Variants in LIN28B observed in about 807,000 individuals in gnomAD.
The protein encoded by LIN28B is protein lin-28 homolog B.
A neutral mutation model predicts 21.9 loss-of-function variants in LIN28B; 5 were observed. The observed-to-expected ratio is 0.23, with a 90% CI of 0.12 to 0.48. The LOEUF (loss-of-function observed/expected upper bound fraction) is 0.48, where lower values mean the gene tolerates loss of function less well. Ranked by LOEUF, LIN28B falls within the 20% of genes least tolerant of loss-of-function variation. LIN28B has a pLI of 0.98. For missense variants in LIN28B, 245 were observed against 310.5 expected, an observed-to-expected ratio of 0.79 and a Z score of 1.58; for synonymous variants, 109 against 111.3, an observed-to-expected ratio of 0.98 and a Z score of 0.13.
chr6:104,946,812 TTGTAA>T (rs1410671543), intron 2 of LIN28B, among the ~76,000 whole-genome samples: 1 of 152,184 alleles, frequency 6.6e-6, no homozygotes, highest in Non-Finnish European at 1.5e-5. Context: ...TTATAGTAAG[TTGTAA>T]TGTACTTTAC....
chr6:105,016,466 T>G (rs2114318548), intron 2 of LIN28B, among the ~76,000 whole-genome samples: 1 of 152,294 alleles, frequency 6.6e-6, no homozygotes, highest in East Asian at 1.9e-4. Flanking sequence ...CCAGAGAATG[T>G]TATATTAAGC....
At chr6:105,005,526 C>T (rs1190215023) in intron 2 of LIN28B, among the ~76,000 whole-genome samples, 2 of 151,950 alleles carry the variant, frequency 1.3e-5, no homozygotes, top group African/African-American at 4.8e-5. Flanking sequence ...TTGATTTCTC[C>T]CTTGCTGTTC....
At chr6:104,967,086 GT>G (rs374392913) in intron 2 of LIN28B, among the ~76,000 whole-genome samples, 3,604 of 151,218 alleles carry the variant, frequency 0.024, 148 homozygotes, top group African/African-American at 0.082. Context: ...GTTTTCTTTA[GT>G]TTTTTTTTCT....
chr6:104,986,652 G>A lies in LIN28B; in HGVS notation c.198+28366G>A, dbSNP rs190844950. ...GGTGCTCAATTTGTGACAGCTAGTC[G>A]TAAGAATTGGTCATTCTTGTCATAC... On this transcript the variant is annotated intron_variant, in intron 2 of 3. Transcript: ENST00000345080. Among the ~76,000 whole-genome samples the A allele has an allele frequency of 8.6e-5, 13 of 152,000 alleles. No homozygotes were observed. In the East Asian group the frequency reaches 1.7e-3, roughly 20 times the overall value.
At chr6:104,981,654 C>T (rs1196870159) in intron 2 of LIN28B, among the ~76,000 whole-genome samples, 1 of 152,188 alleles carries the variant, frequency 6.6e-6, no homozygotes, top group Non-Finnish European at 1.5e-5. Context: ...ATTCAAAAGA[C>T]AGTGACTGCA....
intron 2 of LIN28B, among the ~76,000 whole-genome samples, chr6:105,005,668 C>T (rs1052587897): frequency 5.9e-5 from 9 of 152,124 alleles, no homozygotes; most frequent in African/African-American, 2.2e-4. Context: ...TTGCCATCTG[C>T]CATGACTGTA....
intron 3 of LIN28B, among the ~76,000 whole-genome samples, chr6:104,950,662 C>T (rs1227072904): frequency 6.6e-6 from 1 of 152,012 alleles, no homozygotes; most frequent in Admixed American, 6.6e-5. Context: ...ATACTTCGTC[C>T]TGATCACTCC....
chr6:105,019,195 G>A (rs1771086835), intron 2 of LIN28B, among the ~76,000 whole-genome samples: 1 of 152,130 alleles, frequency 6.6e-6, no homozygotes, highest in Admixed American at 6.5e-5. Context: ...CAATCCAGCC[G>A]CCTCAGCCTC....
chr6:105,016,285 T>TA (rs1191405067), intron 2 of LIN28B, among the ~76,000 whole-genome samples: 1 of 152,206 alleles, frequency 6.6e-6, no homozygotes, highest in Non-Finnish European at 1.5e-5. Context: ...ACCCATTTCT[T>TA]ATGATTCATT....
intron 2 of LIN28B, among the ~76,000 whole-genome samples, chr6:104,994,917 C>T (rs1770568049): frequency 6.6e-6 from 1 of 152,162 alleles, no homozygotes. Flanking sequence ...GTGGTTCTTG[C>T]TGTATTGCAG....
chr6:104,961,958 A>G (rs1374252070), intron 2 of LIN28B, among the ~76,000 whole-genome samples: 1 of 152,216 alleles, frequency 6.6e-6, no homozygotes, highest in Non-Finnish European at 1.5e-5. Context: ...GAGAAGGGCA[A>G]CGTTAACCTA....
chr6:105,026,755 A>G (rs1214724892), intron 3 of LIN28B, among the ~76,000 whole-genome samples: 1 of 152,096 alleles, frequency 6.6e-6, no homozygotes, highest in African/African-American at 2.4e-5. Context: ...GAAGTTCCCA[A>G]TAGATAGAGG....
At chr6:105,025,412 A>C (rs2114339008) in intron 2 of LIN28B, among the ~76,000 whole-genome samples, 1 of 152,318 alleles carries the variant, frequency 6.6e-6, no homozygotes, top group Admixed American at 6.5e-5. Flanking sequence ...ACCAAAATCA[A>C]CAATTTTGTA....
rs1462233817 is a variant in LIN28B, at chr6:105,013,388, A to G, written c.199-12910A>G. Among the ~76,000 whole-genome samples the G allele has an allele frequency of 2.6e-5, 4 of 151,756 alleles. No homozygotes were observed. The South Asian group carries it at 6.2e-4, about 24-fold the overall frequency. On this transcript the variant is annotated intron_variant, in intron 2 of 3. Transcript: ENST00000345080. ...TCATGTGCTTATTTTCTATTTATGT[A>G]TCTTTTTTTTTAAGTAGGCATATCA...
intron 3 of LIN28B, among the ~76,000 whole-genome samples, chr6:105,043,254 C>T (rs1771674300): frequency 7.2e-6 from 1 of 139,172 alleles, no homozygotes; most frequent in Non-Finnish European, 1.5e-5. Flanking sequence ...TGGTGAAACC[C>T]CATCTAAAAA....
At chr6:105,008,338 T>A (rs570078494) in intron 2 of LIN28B, among the ~76,000 whole-genome samples, 11 of 152,340 alleles carry the variant, frequency 7.2e-5, no homozygotes, top group African/African-American at 2.6e-4. Context: ...TCAGACAATT[T>A]TTATTTTCAT....
intron 3 of LIN28B, among the ~76,000 whole-genome samples, chr6:105,038,164 C>T (rs547768766): frequency 6.6e-6 from 1 of 152,206 alleles, no homozygotes; most frequent in African/African-American, 2.4e-5. Context: ...CAGATAAAAC[C>T]ACTCAAAGTA....
At chr6:104,958,825 A>G (rs1582864165) in intron 2 of LIN28B, among the ~76,000 whole-genome samples, 1 of 152,330 alleles carries the variant, frequency 6.6e-6, no homozygotes, top group East Asian at 1.9e-4. Context: ...ATAAAATAGA[A>G]CACTGTTGGC....
At chr6:105,017,624 C>T (rs1257007139) in intron 2 of LIN28B, among the ~76,000 whole-genome samples, 1 of 151,760 alleles carries the variant, frequency 6.6e-6, no homozygotes, top group Non-Finnish European at 1.5e-5. Flanking sequence ...TTATTCTAAG[C>T]AAATTAATGA....
Sources: gnomAD v4.1 joint callset for allele counts (sites outside exome capture counted in the v4.1 genomes callset) on GRCh38, gnomAD v4.1.1 for gene constraint, MANE v1.5 for transcripts, NCBI Gene and HGNC (gene_info 2026-07-23, HGNC 2026-07-21) for gene names.